DIAPH2: variants seen among roughly 807,000 people sequenced by gnomAD.
DIAPH2 encodes the protein diaphanous related formin 2.
DIAPH2 carries 35 observed loss-of-function variants against 92.7 expected under a neutral mutation model. The observed-to-expected ratio is 0.38, with a 90% confidence interval of 0.29 to 0.50. DIAPH2 has a LOEUF of 0.50. DIAPH2 is among the 20% of genes least tolerant of loss of function. DIAPH2 has a pLI of 0.94. For synonymous variants in DIAPH2, 301 were observed against 280.4 expected (o/e 1.07, Z -0.73); for missense variants, 701 against 819.5 (o/e 0.86, Z 1.77).
intron 10 of DIAPH2, among the ~76,000 whole-genome samples, chrX:96,934,721 A>G (rs966053914): frequency 8.9e-6 from 1 of 112,062 alleles, no homozygotes; most frequent in Non-Finnish European, 1.9e-5. Context: ...ATTTAGAATA[A>G]ATGAGTTGTT....
At chrX:96,746,064 T>A (rs986416273) in intron 3 of DIAPH2, among the ~76,000 whole-genome samples, 3 of 110,899 alleles carry the variant, frequency 2.7e-5, no homozygotes, top group African/African-American at 9.8e-5. Context: ...ATAAACGTGA[T>A]TTTTTTGTTT....
chrX:96,836,717 A>ATTTATT (rs2064894285), intron 4 of DIAPH2, among the ~76,000 whole-genome samples: 1 of 18,903 alleles, frequency 5.3e-5, no homozygotes, highest in Non-Finnish European at 8.7e-5. Flanking sequence ...ATATATATAT[A>ATTTATT]TTTTTTTTTT....
At chrX:97,252,071 T>C (rs768396291) in intron 23 of DIAPH2, among the ~76,000 whole-genome samples, 1 of 112,525 alleles carries the variant, frequency 8.9e-6, no homozygotes, top group African/African-American at 3.2e-5. Flanking sequence ...CTTCTTAGAC[T>C]TTTAAATATG....
intron 25 of DIAPH2, among the ~76,000 whole-genome samples, chrX:97,403,229 A>T (rs1267036912): frequency 8.9e-6 from 1 of 112,373 alleles, no homozygotes; most frequent in Non-Finnish European, 1.9e-5. Flanking sequence ...GAATCTTTTA[A>T]CAAAAAGCCA....
intron 26 of DIAPH2, among the ~76,000 whole-genome samples, chrX:97,545,158 C>T (rs2071170498): frequency 9.0e-6 from 1 of 111,445 alleles, no homozygotes; most frequent in Admixed American, 9.6e-5. Context: ...TTGTTGATCA[C>T]TTTCACCCTA....
At chrX:96,726,012 G>A (rs997816213) in intron 1 of DIAPH2, among the ~76,000 whole-genome samples, 3 of 111,447 alleles carry the variant, frequency 2.7e-5, no homozygotes, top group African/African-American at 9.8e-5. Flanking sequence ...CCATTTAGAG[G>A]TTATTTTTGC....
chrX:96,969,214 T>C (rs1214295604), intron 17 of DIAPH2, among the ~76,000 whole-genome samples: 1 of 112,241 alleles, frequency 8.9e-6, no homozygotes, highest in Non-Finnish European at 1.9e-5. Context: ...TTGGGCTCTT[T>C]TCTGATTCCA....
chrX:97,062,675 G>A lies in DIAPH2; in HGVS notation c.2051-10266G>A, dbSNP rs181036189. On this transcript the variant is annotated intron_variant, in intron 17 of 26. Transcript: ENST00000324765. ...TATGTCTTTTTACATTTCCAAAATG[G>A]TCTCAAATATTACTTTTCTGCTTTC... Among the ~76,000 whole-genome samples, 210 of 111,197 alleles carry A rather than the reference G, an allele frequency of 1.9e-3. 1 individual carries two copies. Among genetic ancestry groups the A allele is most frequent in the Middle Eastern group, 9.3e-3 (2 of 214 alleles).
chrX:97,406,068 A>G (rs1232153062), intron 25 of DIAPH2, among the ~76,000 whole-genome samples: 1 of 111,667 alleles, frequency 9.0e-6, no homozygotes, highest in African/African-American at 3.3e-5. Context: ...TCCTGTTTGC[A>G]TTGTACATCT....
At chrX:97,226,619 C>G (rs928634197) in intron 22 of DIAPH2, among the ~76,000 whole-genome samples, 5 of 111,325 alleles carry the variant, frequency 4.5e-5, no homozygotes. Flanking sequence ...AGGTGATCCA[C>G]CCGCCTCGGC....
intron 3 of DIAPH2, among the ~76,000 whole-genome samples, chrX:96,756,685 A>T (rs933347598): frequency 5.4e-5 from 6 of 111,134 alleles, no homozygotes; most frequent in Non-Finnish European, 1.1e-4. Context: ...CTTTTGGAGG[A>T]ACTGCCAGAC....
intron 26 of DIAPH2, among the ~76,000 whole-genome samples, chrX:97,545,533 A>ATATAT (rs1556217617): frequency 5.3e-4 from 42 of 79,328 alleles, no homozygotes; most frequent in Middle Eastern, 7.0e-3. Flanking sequence ...AAAAAAAAAA[A>ATATAT]ATATATATAT....
intron 16 of DIAPH2, among the ~76,000 whole-genome samples, chrX:96,962,861 A>G (rs1569436890): frequency 9.1e-6 from 1 of 109,776 alleles, no homozygotes; most frequent in Admixed American, 9.7e-5. Context: ...TTGTTTATCC[A>G]TGTGGTTTAG....
intron 3 of DIAPH2, among the ~76,000 whole-genome samples, chrX:96,751,359 G>A (rs370770110): frequency 6.5e-4 from 71 of 108,870 alleles, no homozygotes; most frequent in African/African-American, 2.4e-3. Flanking sequence ...GGCGGATCAC[G>A]AGGTCAGGAG....
At chrX:97,340,658 G>GTT (rs1197732406) in intron 23 of DIAPH2, among the ~76,000 whole-genome samples, 11 of 95,183 alleles carry the variant, frequency 1.2e-4, no homozygotes, top group African/African-American at 2.7e-4. Flanking sequence ...TGTTTTTTTT[G>GTT]TTTTTTTTTT....
At chrX:97,394,260 G>A (rs1445283768) in intron 25 of DIAPH2, among the ~76,000 whole-genome samples, 1 of 111,390 alleles carries the variant, frequency 9.0e-6, no homozygotes, top group African/African-American at 3.3e-5. Context: ...CGGTACTATC[G>A]TTCCGGCATA....
Position 96,967,703 on chromosome X carries a change from C to T in DIAPH2, c.2050+2496C>T, listed in dbSNP as rs774650606. Among the ~76,000 whole-genome samples the T allele has an allele frequency of 5.4e-5, 6 of 111,134 alleles. No homozygotes were observed. In the East Asian group the frequency reaches 1.7e-3, roughly 31 times the overall value. ...AAGTGCTAGGATTACAGGCGTGACC[C>T]ACCATGCCTGGCCAGGATATGATTT... On this transcript the variant is annotated intron_variant, in intron 17 of 26. Transcript: ENST00000324765.
chrX:97,430,910 G>A (rs1305149378), intron 26 of DIAPH2, among the ~76,000 whole-genome samples: 1 of 112,245 alleles, frequency 8.9e-6, no homozygotes, highest in Admixed American at 9.5e-5. Flanking sequence ...TGGTCCCTGA[G>A]AGATTAACCT....
chrX:97,131,074 C>A (rs934587485), intron 21 of DIAPH2, among the ~76,000 whole-genome samples: 1 of 109,699 alleles, frequency 9.1e-6, no homozygotes, highest in Admixed American at 9.8e-5. Context: ...CCACTGCACT[C>A]CAGCCTAGGT....
Sources: gnomAD v4.1 joint callset for allele counts (sites outside exome capture counted in the v4.1 genomes callset) on GRCh38, gnomAD v4.1.1 for gene constraint, MANE v1.5 for transcripts, NCBI Gene and HGNC (gene_info 2026-07-23, HGNC 2026-07-21) for gene names.